Variants in FKBP6 observed in about 807,000 individuals in gnomAD.
The protein encoded by FKBP6 is inactive peptidyl-prolyl cis-trans isomerase FKBP6.
FKBP6 carries 29 observed loss-of-function variants against 41.7 expected under a neutral mutation model. The ratio of observed to expected loss-of-function variants is 0.70; its 90% CI spans 0.52 to 0.95. The LOEUF (loss-of-function observed/expected upper bound fraction) is 0.95, where lower values mean the gene tolerates loss of function less well. Ranked by LOEUF, FKBP6 falls within the 40% of genes least tolerant of loss-of-function variation. FKBP6 has a pLI of 0.00. For missense variants in FKBP6, 338 were observed against 408.7 expected, an observed-to-expected ratio of 0.83 and a Z score of 1.49; for synonymous variants, 130 against 165.1, an observed-to-expected ratio of 0.79 and a Z score of 1.63.
chr7:73,349,460 T>C (rs563019276), intron 8 of FKBP6, among the ~76,000 whole-genome samples: 2 of 148,734 alleles, frequency 1.3e-5, no homozygotes, highest in Non-Finnish European at 3.0e-5. Context: ...TCCCAGCACT[T>C]TGGGAGGCCG....
intron 5 of FKBP6, among the ~76,000 whole-genome samples, chr7:73,332,849 C>CT (rs1476107478): frequency 6.6e-6 from 1 of 152,246 alleles, no homozygotes; most frequent in East Asian, 1.9e-4. Context: ...TTTCATGTCT[C>CT]TGACAGTGGA....
chr7:73,333,822 A>T (rs962714580), intron 5 of FKBP6, among the ~76,000 whole-genome samples: 1 of 152,268 alleles, frequency 6.6e-6, no homozygotes, highest in Non-Finnish European at 1.5e-5. Flanking sequence ...CTGTAATCCC[A>T]GCACTTTGGG....
At chr7:73,354,144 C>G (rs992761031) in intron 8 of FKBP6, among the ~76,000 whole-genome samples, 10 of 152,286 alleles carry the variant, frequency 6.6e-5, no homozygotes, top group Admixed American at 6.5e-4. Context: ...TGGCCCACCC[C>G]CAAAACCGGG....
chr7:73,354,104 G>A (rs1468151288), intron 8 of FKBP6, among the ~76,000 whole-genome samples: 6 of 152,190 alleles, frequency 3.9e-5, no homozygotes, highest in Non-Finnish European at 7.3e-5. Flanking sequence ...AGTTGTTGGA[G>A]GAAGTGCAGC....
At position 73,333,774 on chromosome 7, in the gene FKBP6, T is replaced by C. The variant is rs145781280; in HGVS notation, c.588+1998T>C. Among the ~76,000 whole-genome samples the C allele has an allele frequency of 7.5e-3, 1,142 of 152,326 alleles. 12 individuals carry two copies. Among genetic ancestry groups the C allele is most frequent in the South Asian group, 0.012 (59 of 4,820 alleles). Reference sequence around the variant, plus strand: ...TAAATACATATTTGTCTAGAGTTGTTATTAAAAAGTCTTTTGGCTGGGCAC... The same window carrying C: ...TAAATACATATTTGTCTAGAGTTGTCATTAAAAAGTCTTTTGGCTGGGCAC... On this transcript the variant is annotated intron_variant, in intron 5 of 8. Transcript: ENST00000252037.
intron 4 of FKBP6, among the ~76,000 whole-genome samples, chr7:73,330,935 T>A (rs1238332517): frequency 6.6e-6 from 1 of 152,226 alleles, no homozygotes; most frequent in Non-Finnish European, 1.5e-5. Context: ...ACTGTCTTTA[T>A]CATGCTGTCT....
chr7:73,353,319 G>A (rs1554551394), intron 8 of FKBP6, among the ~76,000 whole-genome samples: 6 of 152,146 alleles, frequency 3.9e-5, no homozygotes, highest in Non-Finnish European at 4.4e-5. Context: ...CCGGGAATTG[G>A]AACAAGGATA....
At chr7:73,339,065 T>C (rs557069365) in intron 5 of FKBP6, 15 of 152,374 alleles carry the variant, frequency 9.8e-5, no homozygotes, top group African/African-American at 3.1e-4. Flanking sequence ...CACCTATTTG[T>C]ACTTCTAAAG....
At chr7:73,337,094 A>C (rs1805027855) in intron 5 of FKBP6, 8 of 321,366 alleles carry the variant, frequency 2.5e-5, no homozygotes, top group South Asian at 2.0e-4. Flanking sequence ...CTTGCTTCAC[A>C]ATTTCATTTG....
chr7:73,336,795 CAG>C (rs1404897696), intron 5 of FKBP6: 1 of 456,426 alleles, frequency 2.2e-6, no homozygotes, highest in African/African-American at 2.0e-5. Flanking sequence ...AACCTGTTAA[CAG>C]GGTCCAGGAA....
At chr7:73,352,908 C>T (rs782639420) in intron 8 of FKBP6, among the ~76,000 whole-genome samples, 1 of 152,164 alleles carries the variant, frequency 6.6e-6, no homozygotes, top group Non-Finnish European at 1.5e-5. Context: ...TGAGGTCATA[C>T]AGCTTCATTT....
At position 73,338,471 on chromosome 7, in the gene FKBP6, G is replaced by A. The variant is rs577440563; in HGVS notation, c.589-2167G>A. 3.9e-5 allele frequency among the ~76,000 whole-genome samples: 6 copies of A among 152,334 alleles called. No homozygotes were observed. The South Asian group carries it at 1.0e-3, about 26-fold the overall frequency. On this transcript the variant is annotated intron_variant, in intron 5 of 8. Coordinates refer to ENST00000252037, the MANE Select transcript of FKBP6 (RefSeq NM_003602.5). ...TATGTACAAGTTGTCGTGTGAACAC[G>A]TTTTCAGTTTTCTTGGGTATGTGCC... is the stretch of plus-strand genomic sequence containing the variant.
At chr7:73,343,684 C>T (rs1385937879) in intron 8 of FKBP6, among the ~76,000 whole-genome samples, 2 of 152,168 alleles carry the variant, frequency 1.3e-5, no homozygotes, top group Non-Finnish European at 2.9e-5. Context: ...AGTTCCCAAG[C>T]ACATGAGATA....
intron 8 of FKBP6, among the ~76,000 whole-genome samples, chr7:73,351,191 A>C (rs2115960727): frequency 6.6e-6 from 1 of 152,084 alleles, no homozygotes; most frequent in African/African-American, 2.4e-5. Context: ...TACCACTCCC[A>C]GCTAAATTTT....
In FKBP6 at chr7:73,330,150, A is replaced by G. The variant is rs536860809; in HGVS notation, c.266A>G (p.Asp89Gly). The G allele has an allele frequency of 1.3e-5, 21 of 1,612,232 alleles. No homozygotes were observed. The highest frequency in any genetic ancestry group is 1.7e-5 in the Non-Finnish European group (20 of 1,178,470). Residue 89 changes from aspartate (D) to glycine (G), a missense_variant and splice_region_variant, in exon 4 of 9, where the codon GAT (aspartate) becomes GGT (glycine). This residue lies in a region of FKBP6 where 99 missense variants were observed against 158.6 expected (regional missense o/e 0.62). Coordinates refer to ENST00000252037, the MANE Select transcript of FKBP6 (RefSeq NM_003602.5). The stretch of plus-strand genomic sequence containing the variant: ...CCACCTTCTTTGTCCATTCTTACAG[A>G]TATTACACTGTGGGGCATGGAGCTG... ...KTPRLMKLGEDITLWGMELGL... is the reference protein window; with the variant it reads ...KTPRLMKLGEGITLWGMELGL...
At chr7:73,351,230 A>G (rs1247442622) in intron 8 of FKBP6, among the ~76,000 whole-genome samples, 5 of 152,160 alleles carry the variant, frequency 3.3e-5, no homozygotes, top group African/African-American at 1.2e-4. Context: ...GGGTTTCACC[A>G]TGTTGGCCAG....
intron 7 of FKBP6, 23 bp from the exon 8 acceptor site, chr7:73,342,784 C>G (rs374653637): frequency 6.5e-7 from 1 of 1,529,368 alleles, no homozygotes; most frequent in East Asian, 2.2e-5. Flanking sequence ...CCTCCTCTAA[C>G]AAGTGTGTAT....
intron 8 of FKBP6, among the ~76,000 whole-genome samples, chr7:73,350,431 A>G (rs1219035940): frequency 6.6e-6 from 1 of 152,090 alleles, no homozygotes; most frequent in Non-Finnish European, 1.5e-5. Context: ...TAAGCCCCAG[A>G]TGATGCCTGA....
At chr7:73,341,216 G>A (rs111656028) in intron 6 of FKBP6, 57 bp from the exon 7 acceptor site, 7 of 1,228,578 alleles carry the variant, frequency 5.7e-6, no homozygotes, top group African/African-American at 4.4e-5. Context: ...GAGCCACCGT[G>A]CCCAGCCAAA....
Sources: gnomAD v4.1 joint callset for allele counts (sites outside exome capture counted in the v4.1 genomes callset) on GRCh38, gnomAD v4.1.1 for gene constraint, gnomAD v4.1.1 regional missense constraint, MANE v1.5 for transcripts, NCBI Gene and HGNC (gene_info 2026-07-23, HGNC 2026-07-21) for gene names.